COMMD1: variants seen among roughly 807,000 people sequenced by gnomAD.
COMMD1 encodes copper metabolism domain containing 1.
COMMD1 carries 10 observed loss-of-function variants against 17.2 expected under a neutral mutation model. The observed-to-expected ratio is 0.58, with a 90% CI of 0.36 to 0.99. COMMD1 has a LOEUF of 0.99. Among genes scored for constraint, COMMD1 ranks in the 50% least tolerant of loss-of-function variants. The pLI, the probability that COMMD1 is intolerant of heterozygous loss-of-function variation, is 0.01. For synonymous variants in COMMD1, 97 were observed against 91.6 expected (o/e 1.06, Z -0.34); for missense variants, 270 against 231.8 (o/e 1.17, Z -1.07).
At chr2:62,054,598 C>T in intron 2 of COMMD1, among the ~76,000 whole-genome samples, 1 of 152,110 alleles carries the variant, frequency 6.6e-6, no homozygotes, top group East Asian at 1.9e-4. Context: ...TGAAACAAGC[C>T]AGGCACAGAA....
At chr2:61,970,154 A>G (rs1003764140) in intron 1 of COMMD1, among the ~76,000 whole-genome samples, 1 of 151,816 alleles carries the variant, frequency 6.6e-6, no homozygotes, top group Non-Finnish European at 1.5e-5. Flanking sequence ...GCTACTTGGG[A>G]GACTGAGGCA....
At chr2:61,974,514 A>C (rs1443792279) in intron 1 of COMMD1, among the ~76,000 whole-genome samples, 1 of 151,760 alleles carries the variant, frequency 6.6e-6, no homozygotes, top group Non-Finnish European at 1.5e-5. Flanking sequence ...CTCTACTAAA[A>C]ATACAAAAAT....
At chr2:62,087,749 A>G (rs1410184824) in intron 2 of COMMD1, among the ~76,000 whole-genome samples, 1 of 152,182 alleles carries the variant, frequency 6.6e-6, no homozygotes, top group Non-Finnish European at 1.5e-5. Context: ...CTCCCTCTCA[A>G]ACAACAACAA....
chr2:62,067,198 C>G (rs919284665), intron 2 of COMMD1, among the ~76,000 whole-genome samples: 99 of 150,876 alleles, frequency 6.6e-4, no homozygotes, highest in African/African-American at 2.3e-3. Context: ...GCATTCCACC[C>G]TGGGTGGCAA....
intron 1 of COMMD1, among the ~76,000 whole-genome samples, chr2:61,937,430 G>A (rs1438440149): frequency 6.6e-6 from 1 of 152,174 alleles, no homozygotes; most frequent in Non-Finnish European, 1.5e-5. Context: ...TGGCATGGCT[G>A]GCCTGCCCCT....
intron 2 of COMMD1, among the ~76,000 whole-genome samples, chr2:62,076,039 T>A (rs1305009941): frequency 6.6e-6 from 1 of 152,250 alleles, no homozygotes; most frequent in Non-Finnish European, 1.5e-5. Flanking sequence ...GCAATATTCC[T>A]TTCCCAGTGT....
chr2:62,071,434 T>C (rs1431588626), intron 2 of COMMD1, among the ~76,000 whole-genome samples: 1 of 152,194 alleles, frequency 6.6e-6, no homozygotes, highest in East Asian at 1.9e-4. Context: ...TCCTGCCAAC[T>C]TTTTATTTCA....
At chr2:62,122,145 T>C (rs1304547329) in intron 2 of COMMD1, among the ~76,000 whole-genome samples, 1 of 152,366 alleles carries the variant, frequency 6.6e-6, no homozygotes, top group Non-Finnish European at 1.5e-5. Context: ...GCCAGTTATT[T>C]AATTGCATTT....
Position 62,071,514 on chromosome 2 carries a change from A to G in COMMD1, c.463-64317A>G, listed in dbSNP as rs1049707421. Among the ~76,000 whole-genome samples the G allele has an allele frequency of 2.8e-4, 43 of 151,998 alleles. 2 individuals carry two copies. On this transcript the variant is annotated intron_variant, in intron 2 of 2. Coordinates refer to ENST00000311832, the MANE Select transcript of COMMD1 (RefSeq NM_152516.4). ...ATGCAGCCTGGTAGGTCTCAGCCTT[A>G]TTTTACCCAGGCCGTATTCAAGATG...
intron 2 of COMMD1, among the ~76,000 whole-genome samples, chr2:62,077,825 A>G (rs1435227011): frequency 6.6e-6 from 1 of 152,090 alleles, no homozygotes; most frequent in Admixed American, 6.5e-5. Context: ...AAGGAAATAC[A>G]TTTCAGAAAT....
At chr2:61,919,971 TA>T (rs761585993) in intron 1 of COMMD1, among the ~76,000 whole-genome samples, 4 of 151,518 alleles carry the variant, frequency 2.6e-5, no homozygotes, top group African/African-American at 7.3e-5. Context: ...TACAAAAAAA[TA>T]AAAAAAATCA....
At chr2:61,946,866 A>G (rs1484107635) in intron 1 of COMMD1, among the ~76,000 whole-genome samples, 2 of 152,100 alleles carry the variant, frequency 1.3e-5, no homozygotes, top group East Asian at 3.8e-4. Flanking sequence ...CTCTTAAACA[A>G]CTACAAAAAC....
chr2:62,095,807 C>CATATATAT lies in COMMD1; in HGVS notation c.463-40017_463-40010dup, dbSNP rs143205759. On this transcript the variant is annotated intron_variant, in intron 2 of 2. Coordinates refer to ENST00000311832, the MANE Select transcript of COMMD1 (RefSeq NM_152516.4). ...TTGTGTAGTCAAGTTTCACAGCATG[C>CATATATAT]ATATATATATATATGCATATCAGGG... Among the ~76,000 whole-genome samples, 86 of 67,956 alleles carry CATATATAT rather than the reference C, an allele frequency of 1.3e-3. 11 individuals are homozygous for CATATATAT. The highest frequency in any genetic ancestry group is 3.9e-3 in the African/African-American group (45 of 11,486). 44.6% of individuals were successfully genotyped at this position (67,956 alleles called of 152,430 possible).
intron 1 of COMMD1, among the ~76,000 whole-genome samples, chr2:61,983,554 C>G (rs1553375554): frequency 6.6e-6 from 1 of 152,068 alleles, no homozygotes; most frequent in Non-Finnish European, 1.5e-5. Context: ...TTTTGGATTT[C>G]TTCATTGTTC....
At chr2:61,921,951 G>T in intron 1 of COMMD1, among the ~76,000 whole-genome samples, 1 of 151,820 alleles carries the variant, frequency 6.6e-6, no homozygotes, top group Admixed American at 6.6e-5. Flanking sequence ...TTTTTTCCAG[G>T]ACCACTAGTA....
intron 2 of COMMD1, among the ~76,000 whole-genome samples, chr2:62,091,562 G>A (rs779960620): frequency 6.6e-6 from 1 of 152,130 alleles, no homozygotes; most frequent in African/African-American, 2.4e-5. Context: ...CCCATGTCTG[G>A]GTATTCCATA....
At chr2:61,960,931 CCTT>C (rs1395933170) in intron 1 of COMMD1, among the ~76,000 whole-genome samples, 3 of 152,168 alleles carry the variant, frequency 2.0e-5, no homozygotes, top group East Asian at 1.9e-4. Flanking sequence ...GTAAGCCACT[CCTT>C]CTTTTTGGCG....
intron 2 of COMMD1, among the ~76,000 whole-genome samples, chr2:62,098,985 T>A (rs1010167879): frequency 6.6e-6 from 1 of 152,208 alleles, no homozygotes; most frequent in African/African-American, 2.4e-5. Context: ...TTAACTCTGA[T>A]TTGGTCCAGG....
At chr2:62,117,237 A>C (rs1672633540) in intron 2 of COMMD1, among the ~76,000 whole-genome samples, 1 of 152,084 alleles carries the variant, frequency 6.6e-6, no homozygotes, top group African/African-American at 2.4e-5. Flanking sequence ...GCCCCATCAC[A>C]CTACTACATT....
Sources: allele counts gnomAD v4.1 joint callset (sites outside exome capture counted in the v4.1 genomes callset), GRCh38; gene constraint gnomAD v4.1.1; transcripts MANE v1.5; gene names NCBI Gene and HGNC (gene_info 2026-07-23, HGNC 2026-07-21).